IFNG-AS1: variants seen among roughly 807,000 people sequenced by gnomAD.
The protein encoded by IFNG-AS1 is IFNG regulatory antisense RNA 1.
In IFNG-AS1 at chr12:68,005,296, G is replaced by C. The variant is rs1879880187; in HGVS notation, n.185-794G>C. Among the ~76,000 whole-genome samples the C allele has an allele frequency of 1.3e-5, 2 of 152,096 alleles. 1 individual carries two copies. Among genetic ancestry groups the C allele is most frequent in the South Asian group, 4.1e-4 (2 of 4,820 alleles). On this transcript the variant is annotated intron_variant and non_coding_transcript_variant, in intron 2 of 5. Coordinates refer to ENST00000536914, the Ensembl canonical transcript of IFNG-AS1. ...CTCCAGATGCATTTATTCCTTAGAG[G>C]GTTTACACCCTCAGAAGGCCTATAC...
intron 2 of IFNG-AS1, among the ~76,000 whole-genome samples, chr12:68,002,593 C>A (rs1460087631): frequency 1.3e-5 from 2 of 152,188 alleles, no homozygotes; most frequent in Non-Finnish European, 2.9e-5. Context: ...AAAGTAGAAG[C>A]AACTTGGATG....
intron 2 of IFNG-AS1, among the ~76,000 whole-genome samples, chr12:67,997,719 C>T (rs1879676226): frequency 6.6e-6 from 1 of 151,064 alleles, no homozygotes; most frequent in African/African-American, 2.4e-5. Context: ...AACAAACAAA[C>T]TTTAAAAAAA....
intron 3 of IFNG-AS1, among the ~76,000 whole-genome samples, chr12:68,008,013 T>C (rs1472107446): frequency 2.0e-5 from 3 of 152,178 alleles, no homozygotes; most frequent in African/African-American, 4.8e-5. Context: ...ACCATTGTCT[T>C]AAGATATCCA....
chr12:68,010,674 A>G (rs987298156), intron 3 of IFNG-AS1, among the ~76,000 whole-genome samples: 4 of 152,214 alleles, frequency 2.6e-5, no homozygotes, highest in African/African-American at 7.2e-5. Flanking sequence ...CTCAATTTAC[A>G]AAGTGGTAGT....
chr12:67,995,336 G>A (rs974174642), intron 1 of IFNG-AS1, among the ~76,000 whole-genome samples: 3 of 147,924 alleles, frequency 2.0e-5, no homozygotes, highest in East Asian at 2.0e-4. Flanking sequence ...CAGGAGAATC[G>A]CTTGAACCCA....
At chr12:68,008,919 G>T (rs1438539508) in intron 3 of IFNG-AS1, among the ~76,000 whole-genome samples, 1 of 152,186 alleles carries the variant, frequency 6.6e-6, no homozygotes, top group East Asian at 1.9e-4. Context: ...CAGTGAACAG[G>T]ATGAGTGTCT....
chr12:67,995,602 T>G (rs1204162653), intron 1 of IFNG-AS1, among the ~76,000 whole-genome samples: 1 of 149,620 alleles, frequency 6.7e-6, no homozygotes, highest in Non-Finnish European at 1.5e-5. Context: ...TGTGCCTGTA[T>G]TCCCAGCTAT....
chr12:67,998,518 C>T (rs1255132098), intron 2 of IFNG-AS1, among the ~76,000 whole-genome samples: 2 of 151,134 alleles, frequency 1.3e-5, no homozygotes, highest in African/African-American at 2.4e-5. Flanking sequence ...ACAGGGATAA[C>T]AGGAAGGAGT....
At chr12:67,989,830 T>C (rs1246500946) in intron 1 of IFNG-AS1, among the ~76,000 whole-genome samples, 1 of 152,172 alleles carries the variant, frequency 6.6e-6, no homozygotes, top group Non-Finnish European at 1.5e-5. Flanking sequence ...AGACTTCTTC[T>C]ATTTCAGGAA....
intron 1 of IFNG-AS1, among the ~76,000 whole-genome samples, chr12:67,995,278 G>A (rs768310736): frequency 1.1e-4 from 16 of 151,172 alleles, no homozygotes; most frequent in East Asian, 5.9e-4. Context: ...AAAACTAGCT[G>A]GGCATGGTGG....
Position 67,993,416 on chromosome 12 carries a change from G to A in IFNG-AS1, n.52-2525G>A, listed in dbSNP as rs139777125. Among the ~76,000 whole-genome samples, 5 of 152,254 alleles carry A rather than the reference G, an allele frequency of 3.3e-5. No individual in the cohort carries two copies. The East Asian group carries it at 9.6e-4, about 29-fold the overall frequency. ...AAACCATTTATAAAAGGTCATTGAG[G>A]AATCTTAAGTGATCTGAAAAATGTT... On this transcript the variant is annotated intron_variant and non_coding_transcript_variant, in intron 1 of 5. Coordinates refer to ENST00000536914, the Ensembl canonical transcript of IFNG-AS1.
intron 3 of IFNG-AS1, among the ~76,000 whole-genome samples, chr12:68,016,899 A>G (rs1342325232): frequency 8.5e-5 from 13 of 152,232 alleles, no homozygotes; most frequent in Non-Finnish European, 1.6e-4. Flanking sequence ...GCTAGGCATA[A>G]GGAATGCCAT....
intron 1 of IFNG-AS1, among the ~76,000 whole-genome samples, chr12:67,991,898 TAATAAGTGTC>T (rs1457006510): frequency 6.6e-6 from 1 of 152,152 alleles, no homozygotes; most frequent in African/African-American, 2.4e-5. Flanking sequence ...TAGAATGAAA[TAATAAGTGTC>T]CATATGCTTG....
chr12:67,994,442 C>T (rs1879588021), intron 1 of IFNG-AS1, among the ~76,000 whole-genome samples: 1 of 152,146 alleles, frequency 6.6e-6, no homozygotes, highest in South Asian at 2.1e-4. Flanking sequence ...GTTCCTATTA[C>T]ATCTATTATA....
At chr12:68,015,952 G>GAAAAAAA (rs747118151) in intron 3 of IFNG-AS1, among the ~76,000 whole-genome samples, 3 of 103,636 alleles carry the variant, frequency 2.9e-5, no homozygotes, top group African/African-American at 1.1e-4. Flanking sequence ...ACGGGGGGGG[G>GAAAAAAA]AAAAAAAACC....
At chr12:67,990,828 G>A (rs1219981514) in intron 1 of IFNG-AS1, among the ~76,000 whole-genome samples, 2 of 151,974 alleles carry the variant, frequency 1.3e-5, no homozygotes, top group Non-Finnish European at 2.9e-5. Flanking sequence ...TCCTGACCTC[G>A]TGATCCGCCC....
At chr12:67,994,978 A>C (rs1879600701) in intron 1 of IFNG-AS1, among the ~76,000 whole-genome samples, 1 of 152,254 alleles carries the variant, frequency 6.6e-6, no homozygotes, top group Non-Finnish European at 1.5e-5. Flanking sequence ...ATATGCTTAC[A>C]AGAGTGTCTT....
At chr12:68,001,890 G>T (rs1879777619) in intron 2 of IFNG-AS1, among the ~76,000 whole-genome samples, 1 of 151,922 alleles carries the variant, frequency 6.6e-6, no homozygotes, top group South Asian at 2.1e-4. Flanking sequence ...ATGCACTGAG[G>T]GCCACAGACA....
intron 3 of IFNG-AS1, among the ~76,000 whole-genome samples, chr12:68,014,065 C>G (rs4913269): frequency 0.22 from 33,004 of 152,154 alleles, 3,979 homozygotes; most frequent in East Asian, 0.51. Flanking sequence ...CCTCAGTTAC[C>G]TCACTTAGAA....
Sources: allele counts gnomAD v4.1 joint callset (sites outside exome capture counted in the v4.1 genomes callset), GRCh38; gene constraint gnomAD v4.1.1; transcripts MANE v1.5; gene names NCBI Gene and HGNC (gene_info 2026-07-23, HGNC 2026-07-21).